Variants in TTC39B observed in about 807,000 individuals in gnomAD.
The protein encoded by TTC39B is tetratricopeptide repeat protein 39B.
In TTC39B, 92 loss-of-function variants were observed where a neutral mutation model predicts 96.6. The observed-to-expected ratio is 0.95, with a 90% CI of 0.80 to 1.13. The LOEUF (loss-of-function observed/expected upper bound fraction) is 1.13. TTC39B is among the 50% of genes most tolerant of loss of function. The pLI, the probability that TTC39B is intolerant of heterozygous loss-of-function variation, is 0.00. For missense variants in TTC39B, 955 were observed against 809.3 expected (o/e 1.18, Z -2.18); for synonymous variants, 367 against 299.4 (o/e 1.23, Z -2.33).
At chr9:15,198,890 C>T (rs1819346714) in intron 8 of TTC39B, among the ~76,000 whole-genome samples, 1 of 152,106 alleles carries the variant, frequency 6.6e-6, no homozygotes, top group Admixed American at 6.5e-5. Context: ...AGCATGAGTG[C>T]CTATATGAAT....
rs1393172028 is a variant in TTC39B at position 15,306,763 on chromosome 9, T to C, written c.240+321A>G. ...CGTCGCTGGGCCGGCCCGGAACAGCTCAGAGCTGCGGGTCCTATGGTCCCG... is the reference window on the plus strand; with the variant it reads ...CGTCGCTGGGCCGGCCCGGAACAGCCCAGAGCTGCGGGTCCTATGGTCCCG... On this transcript the variant is annotated intron_variant, in intron 1 of 19. Coordinates refer to ENST00000512701, the Ensembl canonical transcript of TTC39B. This position sits in a 1 kb window ranked among gnomAD's most constrained non-coding sequence, Gnocchi z 5.1. Among the ~76,000 whole-genome samples the C allele has an allele frequency of 6.6e-6, 1 of 152,058 alleles. No individual in the cohort carries two copies. The highest frequency in any genetic ancestry group is 2.4e-5 in the African/African-American group (1 of 41,408).
intron 2 of TTC39B, among the ~76,000 whole-genome samples, chr9:15,262,386 A>G (rs1822978324): frequency 6.6e-6 from 1 of 152,250 alleles, no homozygotes; most frequent in Admixed American, 6.5e-5. Context: ...GGCGTGAGCC[A>G]TAGCACTTGG....
At chr9:15,294,236 G>A (rs969831703) in intron 1 of TTC39B, among the ~76,000 whole-genome samples, 14 of 151,748 alleles carry the variant, frequency 9.2e-5, no homozygotes, top group Admixed American at 6.6e-4. Context: ...GCAGTCTAGC[G>A]CAGTACACTG....
In TTC39B at chr9:15,265,337, G is replaced by A. The variant is rs1823092512; in HGVS notation, c.275+2577C>T. On this transcript the variant is annotated intron_variant, in intron 2 of 19. Transcript: ENST00000512701. ...GCTCAGGGGTCACACTGCTCCCACT[G>A]GTCAGTGAGACCCGTCCTCCTCTGT... is the stretch of plus-strand genomic sequence containing the variant. Among the ~76,000 whole-genome samples the A allele has an allele frequency of 2.0e-5, 3 of 152,152 alleles. No individual in the cohort carries two copies. In the South Asian group the frequency reaches 6.2e-4, roughly 32 times the overall value.
At chr9:15,262,973 A>T (rs1822997350) in intron 2 of TTC39B, among the ~76,000 whole-genome samples, 1 of 152,362 alleles carries the variant, frequency 6.6e-6, no homozygotes, top group Non-Finnish European at 1.5e-5. Flanking sequence ...TGTGAGAAAT[A>T]TTGACAAACC....
chr9:15,234,061 G>A (rs1270504215), intron 2 of TTC39B, among the ~76,000 whole-genome samples: 2 of 149,926 alleles, frequency 1.3e-5, no homozygotes. Context: ...TCTGGGATGT[G>A]AGGAGCGCCT....
exon 20 of TTC39B, chr9:15,170,488 C>G (rs1259187200): frequency 1.3e-5 from 2 of 152,040 alleles, no homozygotes; most frequent in Admixed American, 6.6e-5. Flanking sequence ...TTTTGTATAG[C>G]CTTTTACAGT....
chr9:15,244,338 G>A (rs1010266644), intron 2 of TTC39B, among the ~76,000 whole-genome samples: 9 of 152,206 alleles, frequency 5.9e-5, no homozygotes, highest in Admixed American at 1.3e-4. Flanking sequence ...GGGACACATA[G>A]CAGACCACTG....
intron 2 of TTC39B, among the ~76,000 whole-genome samples, chr9:15,256,563 CA>C (rs1388648951): frequency 6.6e-6 from 1 of 152,026 alleles, no homozygotes; most frequent in Non-Finnish European, 1.5e-5. Context: ...AACAGATGAT[CA>C]AAAAACAAGT....
rs1461381593 is a variant in TTC39B, at chr9:15,267,963, A to T, written c.241-15T>A. 1.2e-6 allele frequency: 2 copies of T among 1,608,438 alleles called. No homozygotes were observed. Among genetic ancestry groups the T allele is most frequent in the African/African-American group, 1.3e-5 (1 of 74,698 alleles). On this transcript the variant is annotated splice_polypyrimidine_tract_variant and intron_variant, in intron 1 of 19. Transcript: ENST00000512701. ...TCGAAAACGTCCTGGGGGAAATAAA[A>T]AATACAATGAGTTTCTCAAGAATTC...
chr9:15,183,755 G>A (rs1232831145), intron 16 of TTC39B, among the ~76,000 whole-genome samples: 1 of 152,244 alleles, frequency 6.6e-6, no homozygotes, highest in Non-Finnish European at 1.5e-5. Flanking sequence ...TTAAGCAACA[G>A]AAGGCTCTCA....
chr9:15,199,911 G>C (rs530156692), exon 8 of TTC39B: 2 of 1,540,308 alleles, frequency 1.3e-6, no homozygotes, highest in Non-Finnish European at 1.8e-6. Context: ...TGATGAAGTT[G>C]ATCATATTTT....
At position 15,190,698 on chromosome 9, in the gene TTC39B, A is replaced by T. The variant is rs80062780; in HGVS notation, c.997-36T>A. 7,266 of 1,532,854 alleles carry T rather than the reference A, an allele frequency of 4.7e-3. 296 individuals carry two copies. In the African/African-American group the frequency reaches 0.086, roughly 18 times the overall value. The allele number at this position is 1,532,854 out of a possible 1,614,324, so 95.0% of individuals were successfully genotyped here. On this transcript the variant is annotated intron_variant, in intron 10 of 19. Coordinates refer to ENST00000512701, the Ensembl canonical transcript of TTC39B. ...TAAATGCATTTTTAGAAAGAGAACA[A>T]GACTGGAAAATCATATTCAGAAACT...
intron 7 of TTC39B, among the ~76,000 whole-genome samples, 162 bp downstream of exon 7, chr9:15,203,661 C>G (rs970941687): frequency 3.9e-5 from 6 of 152,118 alleles, no homozygotes; most frequent in African/African-American, 1.4e-4. Context: ...ACAAAGCTCT[C>G]TAGCATCTTT....
intron 3 of TTC39B, among the ~76,000 whole-genome samples, chr9:15,222,779 C>T (rs1309529340): frequency 1.3e-5 from 2 of 152,098 alleles, no homozygotes; most frequent in Non-Finnish European, 2.9e-5. Context: ...GGCCCTAGAC[C>T]CCTGTTCTGT....
At chr9:15,245,209 G>C (rs1822221961) in intron 2 of TTC39B, among the ~76,000 whole-genome samples, 1 of 152,142 alleles carries the variant, frequency 6.6e-6, no homozygotes, top group African/African-American at 2.4e-5. Context: ...GGCATTTTAT[G>C]TCACATATGT....
chr9:15,217,400 T>C (rs1054933325), intron 3 of TTC39B, among the ~76,000 whole-genome samples: 30 of 152,168 alleles, frequency 2.0e-4, no homozygotes, highest in South Asian at 1.0e-3. Context: ...GGATACACTA[T>C]ACACACCCCC....
chr9:15,185,926 T>C (rs1818501276), intron 15 of TTC39B, among the ~76,000 whole-genome samples: 1 of 152,182 alleles, frequency 6.6e-6, no homozygotes, highest in African/African-American at 2.4e-5. Flanking sequence ...AAGAAAATGT[T>C]TCCCAAGCAC....
At chr9:15,232,963 G>T (rs775096034) in intron 2 of TTC39B, among the ~76,000 whole-genome samples, 4 of 152,168 alleles carry the variant, frequency 2.6e-5, no homozygotes, top group Non-Finnish European at 5.9e-5. Flanking sequence ...CTCTTTCCCT[G>T]AACTATAAAA....
Sources: gnomAD v4.1 joint callset for allele counts (sites outside exome capture counted in the v4.1 genomes callset) on GRCh38, gnomAD v4.1.1 for gene constraint, Gnocchi (gnomAD v3.1) non-coding constraint, MANE v1.5 for transcripts, NCBI Gene and HGNC (gene_info 2026-07-23, HGNC 2026-07-21) for gene names.